Variants in ISM1 observed in about 807,000 individuals in gnomAD.
The protein encoded by ISM1 is isthmin-1.
In ISM1, 25 loss-of-function variants were observed where a neutral mutation model predicts 46.3. That is an observed-to-expected ratio of 0.54 (90% CI 0.39 to 0.75). The LOEUF is 0.75. Ranked by LOEUF, ISM1 falls within the 30% of genes least tolerant of loss-of-function variation. The probability of loss-of-function intolerance (pLI) is 0.00; values close to 1 mark genes in which losing one functional copy is unlikely to be tolerated. For missense variants in ISM1, 536 were observed against 625.4 expected (o/e 0.86, Z 1.52); for synonymous variants, 255 against 256.7 (o/e 0.99, Z 0.06).
intron 2 of ISM1, among the ~76,000 whole-genome samples, chr20:13,278,362 C>T (rs1310166417): frequency 6.6e-6 from 1 of 152,094 alleles, no homozygotes; most frequent in East Asian, 1.9e-4. Context: ...CTAGGATGAG[C>T]CATGGGGTGA....
chr20:13,309,931 A>G, the ISM1 span, among the ~76,000 whole-genome samples: 1 of 152,208 alleles, frequency 6.6e-6, no homozygotes, highest in African/African-American at 2.4e-5. Flanking sequence ...TCAATGAAAG[A>G]AACTGAATAA....
At chr20:13,274,256 C>T (rs1046456171) in intron 2 of ISM1, among the ~76,000 whole-genome samples, 3 of 152,116 alleles carry the variant, frequency 2.0e-5, no homozygotes, top group Admixed American at 6.5e-5. Flanking sequence ...TTCCTCAGAG[C>T]ACTGTTCTTT....
At chr20:13,232,421 A>G (rs1185356286) in intron 1 of ISM1, among the ~76,000 whole-genome samples, 1 of 152,230 alleles carries the variant, frequency 6.6e-6, no homozygotes, top group African/African-American at 2.4e-5. Flanking sequence ...ATTGCATGAT[A>G]TGGCTTTTTG....
intron 1 of ISM1, among the ~76,000 whole-genome samples, chr20:13,249,444 C>T (rs752856422): frequency 1.3e-4 from 20 of 152,304 alleles, no homozygotes; most frequent in Non-Finnish European, 2.6e-4. Context: ...CAGGACCACA[C>T]GGAGTCCATT....
intron 1 of ISM1, among the ~76,000 whole-genome samples, chr20:13,229,983 ATTTCTTAATTTT>A (rs2039570794): frequency 6.6e-6 from 1 of 152,092 alleles, no homozygotes; most frequent in South Asian, 2.1e-4. Context: ...CTATAATTCT[ATTTCTTAATTTT>A]ATTTTCCTTT....
At position 13,253,195 on chromosome 20, in the gene ISM1, T is replaced by C. The variant is rs1474170380; in HGVS notation, c.139-17309T>C. Reference sequence around the variant, plus strand: ...AGGAACCAAGTCTCACAGTTCATCCTCCACCTTCAGGGTTTTTGATCTTCT... The same window carrying C: ...AGGAACCAAGTCTCACAGTTCATCCCCCACCTTCAGGGTTTTTGATCTTCT... On this transcript the variant is annotated intron_variant, in intron 1 of 5. Transcript: ENST00000262487. Among the ~76,000 whole-genome samples the C allele has an allele frequency of 1.3e-5, 2 of 152,182 alleles. 1 individual carries two copies. Among genetic ancestry groups the C allele is most frequent in the Admixed American group, 1.3e-4 (2 of 15,282 alleles).
intron 1 of ISM1, among the ~76,000 whole-genome samples, chr20:13,246,820 G>C (rs2039799759): frequency 1.3e-5 from 2 of 151,784 alleles, no homozygotes; most frequent in African/African-American, 4.8e-5. Flanking sequence ...ACTGAACTTG[G>C]TTTTTAATAA....
intron 4 of ISM1, among the ~76,000 whole-genome samples, chr20:13,290,712 A>G (rs2040344006): frequency 6.6e-6 from 1 of 152,192 alleles, no homozygotes; most frequent in Non-Finnish European, 1.5e-5. Flanking sequence ...GAAAAAATAA[A>G]ATAGATGATG....
At chr20:13,244,158 G>A (rs1291806021) in intron 1 of ISM1, 1 of 152,172 alleles carries the variant, frequency 6.6e-6, no homozygotes, top group Non-Finnish European at 1.5e-5. Context: ...ATAAACCTAG[G>A]CAGAGAGAAA....
chr20:13,277,510 C>T (rs2040193275), intron 2 of ISM1, among the ~76,000 whole-genome samples: 1 of 152,174 alleles, frequency 6.6e-6, no homozygotes, highest in South Asian at 2.1e-4. Flanking sequence ...CAGCTGTGTG[C>T]TCCTTCTCCA....
intron 1 of ISM1, chr20:13,239,254 A>AG (rs2039689251): frequency 6.6e-6 from 1 of 152,242 alleles, no homozygotes; most frequent in African/African-American, 2.4e-5. Context: ...GGTTCTCCCC[A>AG]GGGACTCATT....
the ISM1 span, among the ~76,000 whole-genome samples, chr20:13,321,595 T>C: frequency 3.3e-5 from 5 of 152,320 alleles, no homozygotes; most frequent in African/African-American, 9.6e-5. Context: ...CACAGGGACG[T>C]GGTGTGTTTT....
the ISM1 span, among the ~76,000 whole-genome samples, chr20:13,305,920 T>C: frequency 6.6e-6 from 1 of 152,208 alleles, no homozygotes; most frequent in Non-Finnish European, 1.5e-5. Context: ...AATAACATCA[T>C]CCTCAACCAT....
chr20:13,323,305 G>C, the ISM1 span, among the ~76,000 whole-genome samples: 2 of 152,174 alleles, frequency 1.3e-5, no homozygotes, highest in African/African-American at 4.8e-5. Context: ...CAAAGGAAGG[G>C]AGGTCACTTA....
intron 3 of ISM1, among the ~76,000 whole-genome samples, chr20:13,284,075 C>T (rs1274306908): frequency 6.6e-6 from 1 of 152,198 alleles, no homozygotes; most frequent in East Asian, 1.9e-4. Context: ...CTCAGTCTCC[C>T]TGCCCATAAA....
chr20:13,304,846 T>G (rs573642140), downstream of ISM1, among the ~76,000 whole-genome samples: 26 of 152,220 alleles, frequency 1.7e-4, 1 homozygote, highest in Middle Eastern at 6.8e-3. Flanking sequence ...AACACACACT[T>G]TATTAGCTTC....
intron 1 of ISM1, among the ~76,000 whole-genome samples, chr20:13,223,188 A>AAAATAAAT (rs202233129): frequency 1.4e-3 from 208 of 147,280 alleles, no homozygotes; most frequent in African/African-American, 4.8e-3. Context: ...AAAATAAAAT[A>AAAATAAAT]AAATAAATAA....
At chr20:13,264,621 C>A (rs1015847874) in intron 1 of ISM1, among the ~76,000 whole-genome samples, 1 of 152,214 alleles carries the variant, frequency 6.6e-6, no homozygotes, top group East Asian at 1.9e-4. Context: ...TCTGACCACT[C>A]TGACCCTAGA....
chr20:13,273,800 C>G (rs187486353), intron 2 of ISM1, among the ~76,000 whole-genome samples: 10 of 152,310 alleles, frequency 6.6e-5, no homozygotes, highest in Non-Finnish European at 1.2e-4. Context: ...GCCTACTGCC[C>G]AGTCAAGTTA....
Sources: gnomAD v4.1 joint callset for allele counts (sites outside exome capture counted in the v4.1 genomes callset) on GRCh38, gnomAD v4.1.1 for gene constraint, MANE v1.5 for transcripts, NCBI Gene and HGNC (gene_info 2026-07-23, HGNC 2026-07-21) for gene names.